The following AFF4 variants were observed in gnomAD, a reference collection of about 807,000 sequenced individuals.
AFF4 encodes AF4/FMR2 family member 4.
Under a neutral mutation model 124.8 loss-of-function variants are expected in AFF4, and 13 were observed. The ratio of observed to expected loss-of-function variants is 0.10; its 90% CI spans 0.07 to 0.17. The LOEUF is 0.17. Among genes scored for constraint, AFF4 ranks in the 10% least tolerant of loss-of-function variants. The pLI is 1.00. For missense variants in AFF4, 1,092 were observed against 1,403.8 expected (o/e 0.78, Z 3.55); for synonymous variants, 477 against 496.1 (o/e 0.96, Z 0.51).
intron 5 of AFF4, among the ~76,000 whole-genome samples, chr5:132,912,480 C>G (rs1760814907): frequency 1.3e-5 from 2 of 152,064 alleles, no homozygotes; most frequent in African/African-American, 4.8e-5. Flanking sequence ...CCCACCTCGG[C>G]CTCCTGAGCA....
Position 132,893,106 on chromosome 5 carries a change from TATC to T in AFF4, c.2317_2319del (p.Asp773del). 1 of 1,614,118 alleles carries T rather than the reference TATC, an allele frequency of 6.2e-7. No homozygotes were observed. Among genetic ancestry groups the T allele is most frequent in the Non-Finnish European group, 8.5e-7 (1 of 1,179,968 alleles). ...GGTTTCTTGCTCTCACTGGCTCGGTTATCATCTTCATTCTAGATGAAAAATAGA... is the reference window on the plus strand; with the variant it reads ...GGTTTCTTGCTCTCACTGGCTCGGTTATCTTCATTCTAGATGAAAAATAGA... On this transcript the variant is annotated inframe_deletion, in exon 12 of 21. Coordinates refer to ENST00000265343, the MANE Select transcript of AFF4 (RefSeq NM_014423.4).
At chr5:132,955,139 G>A (rs73788262) in intron 1 of AFF4, among the ~76,000 whole-genome samples, 3,071 of 152,182 alleles carry the variant, frequency 0.02, 83 homozygotes, top group African/African-American at 0.055. Flanking sequence ...CATAGTCTCC[G>A]GTGTCCAGCT....
chr5:132,946,250 G>C (rs928916253), intron 1 of AFF4, among the ~76,000 whole-genome samples: 2 of 152,108 alleles, frequency 1.3e-5, no homozygotes, highest in African/African-American at 4.8e-5. Context: ...GCTATGGATT[G>C]GCAGTTCCTC....
At chr5:132,910,871 G>A (rs1324271898) in intron 5 of AFF4, among the ~76,000 whole-genome samples, 1 of 152,178 alleles carries the variant, frequency 6.6e-6, no homozygotes, top group African/African-American at 2.4e-5. Context: ...CCAGTGTCAA[G>A]AACACTGCTG....
intron 3 of AFF4, 46 bp downstream of exon 3, chr5:132,934,101 T>C (rs1356670035): frequency 6.4e-7 from 1 of 1,550,478 alleles, no homozygotes; most frequent in South Asian, 1.2e-5. Flanking sequence ...ATCAGTCAAT[T>C]GCTTCACGTA....
In AFF4 at chr5:132,937,107, A is replaced by G; in HGVS notation, c.83T>C (p.Phe28Ser). 1 of 1,613,828 alleles carries G rather than the reference A, an allele frequency of 6.2e-7. No individual in the cohort carries two copies. Among genetic ancestry groups the G allele is most frequent in the Non-Finnish European group, 8.5e-7 (1 of 1,179,950 alleles). The change falls in exon 2 of 21, where the codon TTC becomes TCC. Residue 28 changes from phenylalanine to serine, a missense_variant. By Grantham distance (155) the Phe-to-Ser change is radical. Around this residue, in one of 11 missense-constraint regions of AFF4, gnomAD observed 46 missense variants for 49.0 expected, o/e 0.94. Transcript: ENST00000265343. ...TGCAAAGAGAGGAGAGCTAGGTGGG[A>G]AGGCGTCTTCGCCCTGCTGAATTTC... ...NQEIQQGEDA[F>S]PPSSPLFAEP...
chr5:132,885,444 T>TA (rs375688079), intron 18 of AFF4, among the ~76,000 whole-genome samples: 2,706 of 105,740 alleles, frequency 0.026, 109 homozygotes, highest in African/African-American at 0.096. Context: ...TCGTTTTTTT[T>TA]AAAAAACTCC....
intron 1 of AFF4, among the ~76,000 whole-genome samples, chr5:132,939,854 T>C (rs565810755): frequency 6.6e-6 from 1 of 152,340 alleles, no homozygotes; most frequent in South Asian, 2.1e-4. Flanking sequence ...CATCAGGTGA[T>C]CTGCCTGCCT....
chr5:132,936,783 G>C (rs1245090592), intron 2 of AFF4, among the ~76,000 whole-genome samples: 4 of 152,178 alleles, frequency 2.6e-5, no homozygotes, highest in South Asian at 2.1e-4. Flanking sequence ...ACGACTTTTA[G>C]GGTGCTGGTA....
intron 7 of AFF4, among the ~76,000 whole-genome samples, chr5:132,901,334 G>T (rs1434564424): frequency 2.0e-5 from 3 of 152,200 alleles, no homozygotes; most frequent in African/African-American, 7.2e-5. Context: ...AAATAAGTAT[G>T]ATGAATAGGA....
chr5:132,915,573 T>G (rs1355592125), intron 5 of AFF4, among the ~76,000 whole-genome samples: 1 of 145,100 alleles, frequency 6.9e-6, no homozygotes, highest in Non-Finnish European at 1.5e-5. Flanking sequence ...TTTGGGTTTT[T>G]TTTTTTTTTT....
intron 1 of AFF4, among the ~76,000 whole-genome samples, chr5:132,949,648 G>A (rs1023133513): frequency 6.6e-5 from 10 of 151,730 alleles, no homozygotes; most frequent in African/African-American, 2.4e-4. Flanking sequence ...AGGAGATTGA[G>A]ACCATCCTGG....
intron 5 of AFF4, among the ~76,000 whole-genome samples, chr5:132,913,738 G>T (rs994023988): frequency 1.2e-4 from 19 of 152,158 alleles, no homozygotes; most frequent in African/African-American, 4.3e-4. Flanking sequence ...CACCACACTG[G>T]CTGGAATACA....
chr5:132,894,845 T>C (rs753471274), intron 11 of AFF4, among the ~76,000 whole-genome samples: 1 of 151,988 alleles, frequency 6.6e-6, no homozygotes, highest in Non-Finnish European at 1.5e-5. Flanking sequence ...TCCTAGCTAC[T>C]TGGGAGGCTG....
At position 132,887,155 on chromosome 5, in the gene AFF4, C is replaced by G. The variant is rs1037483085; in HGVS notation, c.3005+366G>C. Among the ~76,000 whole-genome samples the G allele has an allele frequency of 2.6e-5, 4 of 152,294 alleles. No individual in the cohort carries two copies. In the South Asian group the frequency reaches 8.3e-4, roughly 32 times the overall value. On this transcript the variant is annotated intron_variant, in intron 17 of 20. Coordinates refer to ENST00000265343, the MANE Select transcript of AFF4 (RefSeq NM_014423.4). Reference sequence around the variant, plus strand: ...CTGATAATATCTCACTGGGATGAAGCAAACAAGTCACATCCTTTATTCTGA... The same window carrying G: ...CTGATAATATCTCACTGGGATGAAGGAAACAAGTCACATCCTTTATTCTGA...
Position 132,879,377 on chromosome 5 carries a change from CTGAA to C in AFF4, c.*1678_*1681del, listed in dbSNP as rs1759915987. On this transcript the variant is annotated 3_prime_UTR_variant, in exon 21 of 21. Transcript: ENST00000265343. Reference sequence around the variant, plus strand: ...ATAGTAGGATAATCTTTTTTTCTGACTGAATGGATTCATTTTTGGAATGGGGAGA... The same window carrying C: ...ATAGTAGGATAATCTTTTTTTCTGACTGGATTCATTTTTGGAATGGGGAGA... 4.8e-6 allele frequency: 1 copy of C among 209,762 alleles called. No individual in the cohort carries two copies. The highest frequency in any genetic ancestry group is 9.7e-6 in the Non-Finnish European group (1 of 103,112). The allele number at this position is 209,762 out of a possible 1,614,324, so 13.0% of individuals were successfully genotyped here. A position where few individuals can be genotyped will look rare whatever the true frequency, so the allele number is the denominator to read the frequency against.
At position 132,897,002 on chromosome 5, in the gene AFF4, C is replaced by T; in HGVS notation, c.1628G>A (p.Gly543Glu). The T allele has an allele frequency of 6.2e-7, 1 of 1,614,196 alleles. No individual in the cohort carries two copies. Residue 543 changes from glycine (G) to glutamate (E), a missense_variant, in exon 11 of 21, where the codon GGG becomes GAG. By Grantham distance (98) the Gly-to-Glu change is moderately conservative (BLOSUM62 -2). Coordinates refer to ENST00000265343, the MANE Select transcript of AFF4 (RefSeq NM_014423.4). Reference sequence around the variant, plus strand: ...TGCAGGAGATTTCTGCCTCCCACGCCCACTTTCTGATCCCTTTTGGATGGT... The same window carrying T: ...TGCAGGAGATTTCTGCCTCCCACGCTCACTTTCTGATCCCTTTTGGATGGT... Reference protein sequence around the residue: ...SKTIQKGSESGRGRQKSPAQS... With the variant: ...SKTIQKGSESERGRQKSPAQS...
At chr5:132,940,184 G>A (rs1311945009) in intron 1 of AFF4, among the ~76,000 whole-genome samples, 1 of 139,364 alleles carries the variant, frequency 7.2e-6, no homozygotes, top group Non-Finnish European at 1.6e-5. Context: ...TGGGTGACAA[G>A]AGCAAGACTC....
chr5:132,880,134 G>C lies in AFF4; in HGVS notation c.*925C>G. On this transcript the variant is annotated 3_prime_UTR_variant, in exon 21 of 21. Transcript: ENST00000265343. The stretch of plus-strand genomic sequence containing the variant: ...CACAGGCGGCAATCCTCAGGAGTTG[G>C]ATCATCCTTTTTTCCACAGTAACTT... 1 of 398,300 alleles carries C rather than the reference G, an allele frequency of 2.5e-6. No individual in the cohort carries two copies. Among genetic ancestry groups the C allele is most frequent in the South Asian group, 1.3e-4 (1 of 7,530 alleles). 24.7% of individuals were successfully genotyped at this position (398,300 alleles called of 1,614,324 possible).
Sources: allele counts gnomAD v4.1 joint callset (sites outside exome capture counted in the v4.1 genomes callset), GRCh38; gene constraint gnomAD v4.1.1; regional missense constraint gnomAD v4.1.1; transcripts MANE v1.5; gene names NCBI Gene and HGNC (gene_info 2026-07-23, HGNC 2026-07-21).